NTN1: variants seen among roughly 807,000 people sequenced by gnomAD.
NTN1 encodes the protein netrin 1.
A neutral mutation model predicts 54.2 loss-of-function variants in NTN1; 11 were observed. That is an observed-to-expected ratio of 0.20 (90% CI 0.13 to 0.34). The LOEUF (loss-of-function observed/expected upper bound fraction) is 0.34. Ranked by LOEUF, NTN1 falls within the 10% of genes least tolerant of loss-of-function variation. The probability of loss-of-function intolerance (pLI) is 1.00; values close to 1 mark genes in which losing one functional copy is unlikely to be tolerated. For missense variants in NTN1, 740 were observed against 893.1 expected (o/e 0.83, Z 2.18); for synonymous variants, 371 against 382.0 (o/e 0.97, Z 0.33).
intron 5 of NTN1, among the ~76,000 whole-genome samples, chr17:9,193,685 G>A (rs937478826): frequency 5.9e-5 from 9 of 152,116 alleles, no homozygotes; most frequent in Admixed American, 5.9e-4. Context: ...CACTTTGGGA[G>A]GCTGAGGCAG....
At position 9,162,853 on chromosome 17, in the gene NTN1, C is replaced by A. The variant is rs1238578306; in HGVS notation, c.1059C>A (p.Asn353Lys). 1 of 1,613,986 alleles carries A rather than the reference C, an allele frequency of 6.2e-7. No homozygotes were observed. The change falls in exon 3 of 7, where the codon AAC becomes AAA. Residue 353 changes from asparagine to lysine, a missense_variant. Transcript: ENST00000173229. ...CNLHARRCRFNMELYKLSGRK... is the reference protein window; with the variant it reads ...CNLHARRCRFKMELYKLSGRK... ...TGCATGCCCGGCGCTGCCGCTTCAACATGGAGCTCTACAAGCTTTCGGGGC... is the reference window on the plus strand; with the variant it reads ...TGCATGCCCGGCGCTGCCGCTTCAAAATGGAGCTCTACAAGCTTTCGGGGC...
intron 2 of NTN1, among the ~76,000 whole-genome samples, chr17:9,032,121 G>C (rs941651328): frequency 1.2e-4 from 18 of 152,200 alleles, no homozygotes; most frequent in African/African-American, 4.3e-4. Flanking sequence ...CCCCCAGTGA[G>C]GCACTTTGCT....
At chr17:9,029,443 T>C (rs2091882008) in intron 2 of NTN1, among the ~76,000 whole-genome samples, 1 of 152,156 alleles carries the variant, frequency 6.6e-6, no homozygotes, top group South Asian at 2.1e-4. Context: ...GAGCGTTTGC[T>C]TGGAAGACTG....
intron 5 of NTN1, among the ~76,000 whole-genome samples, chr17:9,193,938 A>AAAAAAAAAAAACAAAAAAAAAAC (rs796452392): frequency 9.2e-6 from 1 of 108,306 alleles, no homozygotes; most frequent in Non-Finnish European, 1.9e-5. Context: ...AAAAAAAAAA[A>AAAAAAAAAAAACAAAAAAAAAAC]AAAAAACATT....
intron 2 of NTN1, among the ~76,000 whole-genome samples, chr17:9,138,795 G>A (rs763795236): frequency 1.3e-5 from 2 of 152,140 alleles, no homozygotes; most frequent in Admixed American, 1.3e-4. Context: ...CCTGTGGGCT[G>A]AAAATGGGGG....
Position 9,022,499 on chromosome 17 carries a change from G to T in NTN1, c.126G>T (p.Ser42=). Reference sequence around the variant, plus strand: ...AGGCGGCGCAGCCCGATCCCTGCTCGGACGAGAACGGCCACCCGCGCCGCT... The same window carrying T: ...AGGCGGCGCAGCCCGATCCCTGCTCTGACGAGAACGGCCACCCGCGCCGCT... ...AGQAAQPDPC[S]DENGHPRRCI... is the part of the protein sequence containing the mutation. Residue 42 remains serine, a synonymous_variant, in exon 2 of 7, where the codon TCG becomes TCT. Transcript: ENST00000173229. 6.5e-7 allele frequency: 1 copy of T among 1,542,788 alleles called. No individual in the cohort carries two copies. Among genetic ancestry groups the T allele is most frequent in the Non-Finnish European group, 8.7e-7 (1 of 1,148,124 alleles).
chr17:9,077,252 T>C (rs1226577892), intron 2 of NTN1, among the ~76,000 whole-genome samples: 1 of 151,764 alleles, frequency 6.6e-6, no homozygotes, highest in East Asian at 1.9e-4. Context: ...GAAATGGAAG[T>C]AGTGATGTAG....
the NTN1 span, among the ~76,000 whole-genome samples, chr17:9,006,151 G>A: frequency 6.6e-6 from 1 of 150,730 alleles, no homozygotes; most frequent in South Asian, 2.1e-4. Context: ...AAGTGGGTAG[G>A]GGGAGGAGAA....
rs11386128 is a variant in NTN1, at chr17:9,110,271, C to CTT, written c.1019-52533_1019-52532dup. On this transcript the variant is annotated intron_variant, in intron 2 of 6. Coordinates refer to ENST00000173229, the MANE Select transcript of NTN1 (RefSeq NM_004822.3). The stretch of plus-strand genomic sequence containing the variant: ...CATCTCCTTCCCCTACCTCCTGCCT[C>CTT]TTTTTTTTTTCTTTTTGAGACAGAG... 3.7e-3 allele frequency among the ~76,000 whole-genome samples: 541 copies of CTT among 147,194 alleles called. 2 individuals carry two copies. The highest frequency in any genetic ancestry group is 0.011 in the African/African-American group (444 of 39,982).
At chr17:9,153,912 G>A (rs2092334799) in intron 2 of NTN1, among the ~76,000 whole-genome samples, 1 of 152,226 alleles carries the variant, frequency 6.6e-6, no homozygotes, top group African/African-American at 2.4e-5. Flanking sequence ...TTTCAGACAA[G>A]TGAGTTGTCC....
At chr17:9,034,608 A>G (rs1172907788) in intron 2 of NTN1, among the ~76,000 whole-genome samples, 4 of 151,010 alleles carry the variant, frequency 2.6e-5, no homozygotes, top group Non-Finnish European at 4.4e-5. Context: ...TTTTTAGTGG[A>G]GACGGGGTTT....
In NTN1 at chr17:9,022,757, C is replaced by T. The variant is rs571334142; in HGVS notation, c.384C>T (p.Phe128=). The T allele has an allele frequency of 5.6e-6, 9 of 1,609,704 alleles. No individual in the cohort carries two copies. The highest frequency in any genetic ancestry group is 2.2e-5 in the East Asian group (1 of 44,550). The part of the protein sequence containing the change: ...TCWQSENYLQ[F]PHNVTLTLSL... ...GGCAGTCCGAGAACTACCTGCAGTT[C>T]CCGCACAACGTCACGCTCACACTGT... Residue 128 remains phenylalanine (F), a synonymous_variant, in exon 2 of 7, where the codon TTC becomes TTT. Transcript: ENST00000173229.
At chr17:9,178,565 C>G (rs1473788713) in intron 3 of NTN1, among the ~76,000 whole-genome samples, 1 of 152,262 alleles carries the variant, frequency 6.6e-6, no homozygotes, top group African/African-American at 2.4e-5. Flanking sequence ...CCCAGCAGTG[C>G]TTGCTGGGAA....
intron 2 of NTN1, among the ~76,000 whole-genome samples, chr17:9,096,366 C>CCTTTTTT (rs55880198): frequency 0.094 from 8,544 of 91,068 alleles, 1,691 homozygotes; most frequent in Non-Finnish European, 0.1. Flanking sequence ...TATGGGTAGA[C>CCTTTTTT]TTTTTTTTTT....
intron 2 of NTN1, among the ~76,000 whole-genome samples, chr17:9,095,478 T>C (rs974116436): frequency 9.9e-5 from 15 of 152,266 alleles, no homozygotes; most frequent in African/African-American, 3.1e-4. Flanking sequence ...ACTTTGTCCA[T>C]GTGGACCTTT....
At chr17:9,124,075 G>T (rs567240012) in intron 2 of NTN1, among the ~76,000 whole-genome samples, 4 of 152,236 alleles carry the variant, frequency 2.6e-5, no homozygotes, top group Admixed American at 2.6e-4. Context: ...CAACCATCAC[G>T]CAGTGCCTGC....
intron 2 of NTN1, among the ~76,000 whole-genome samples, chr17:9,093,568 G>A (rs903038990): frequency 6.6e-6 from 1 of 152,202 alleles, no homozygotes; most frequent in African/African-American, 2.4e-5. Context: ...TTGCTATGTT[G>A]CCTAGGCTGA....
At chr17:9,104,677 T>C (rs1398741315) in intron 2 of NTN1, among the ~76,000 whole-genome samples, 1 of 152,252 alleles carries the variant, frequency 6.6e-6, no homozygotes, top group East Asian at 1.9e-4. Context: ...TCTCTCTTGC[T>C]GGCACGTCAA....
rs1555567412 is a variant in NTN1, at chr17:9,096,366, C to CTTTTT, written c.1019-66429_1019-66425dup. Reference sequence around the variant, plus strand: ...TGTCTTCCTGGGTTTTATGGGTAGACTTTTTTTTTTTTTTTTTTTTTTGAG... The same window carrying CTTTTT: ...TGTCTTCCTGGGTTTTATGGGTAGACTTTTTTTTTTTTTTTTTTTTTTTTTTTGAG... On this transcript the variant is annotated intron_variant, in intron 2 of 6. Transcript: ENST00000173229. 2.5e-4 allele frequency among the ~76,000 whole-genome samples: 23 copies of CTTTTT among 91,536 alleles called. No individual in the cohort carries two copies. In the South Asian group the frequency reaches 3.3e-3, roughly 13 times the overall value. The allele number at this position is 91,536 out of a possible 152,430, so 60.1% of individuals were successfully genotyped here. A position where few individuals can be genotyped will look rare whatever the true frequency, so the allele number is the denominator to read the frequency against.
Sources: gnomAD v4.1 joint callset for allele counts (sites outside exome capture counted in the v4.1 genomes callset) on GRCh38, gnomAD v4.1.1 for gene constraint, MANE v1.5 for transcripts, NCBI Gene and HGNC (gene_info 2026-07-23, HGNC 2026-07-21) for gene names.